NUCB2: variants seen among roughly 807,000 people sequenced by gnomAD.
NUCB2 encodes nucleobindin-2.
In NUCB2, 48 loss-of-function variants were observed where a neutral mutation model predicts 57.9. The ratio of observed to expected loss-of-function variants is 0.83; its 90% CI spans 0.66 to 1.05. The LOEUF (loss-of-function observed/expected upper bound fraction) is 1.05. NUCB2 is among the 50% of genes least tolerant of loss of function. The pLI, the probability that NUCB2 is intolerant of heterozygous loss-of-function variation, is 0.00. For synonymous variants in NUCB2, 139 were observed against 152.1 expected, an observed-to-expected ratio of 0.91 and a Z score of 0.64; for missense variants, 442 against 476.2, an observed-to-expected ratio of 0.93 and a Z score of 0.67.
At chr11:17,335,691 G>T (rs1018602974), downstream of NUCB2, among the ~76,000 whole-genome samples, 1 of 152,076 alleles carries the variant, frequency 6.6e-6, no homozygotes, top group Non-Finnish European at 1.5e-5. Flanking sequence ...TAGTAGAGGC[G>T]GGGTTTCACC....
chr11:17,331,130 T>G (rs970851101), intron 13 of NUCB2, 147 bp downstream of exon 13: 2 of 664,276 alleles, frequency 3.0e-6, no homozygotes, highest in African/African-American at 3.7e-5. Flanking sequence ...ATTTAGATTA[T>G]AGAAAAATGA....
intron 10 of NUCB2, 54 bp from the exon 11 acceptor site, chr11:17,315,332 A>G (rs566321045): frequency 1.0e-6 from 1 of 1,005,012 alleles, no homozygotes; most frequent in African/African-American, 1.6e-5. Context: ...GATAGTGTCT[A>G]AATAATATGA....
intron 6 of NUCB2, 51 bp from the exon 7 acceptor site, chr11:17,310,774 A>G: frequency 6.9e-7 from 1 of 1,449,460 alleles, no homozygotes; most frequent in Non-Finnish European, 9.4e-7. Context: ...CTTTATTTAC[A>G]TTTTTCAAGT....
At chr11:17,302,297 T>G (rs1338589806) in intron 5 of NUCB2, among the ~76,000 whole-genome samples, 1 of 152,228 alleles carries the variant, frequency 6.6e-6, no homozygotes, top group Non-Finnish European at 1.5e-5. Flanking sequence ...CTTCTCTTAA[T>G]TTTTAGAATT....
downstream of NUCB2, among the ~76,000 whole-genome samples, chr11:17,336,813 T>G (rs1238802540): frequency 6.6e-6 from 1 of 151,436 alleles, no homozygotes; most frequent in Non-Finnish European, 1.5e-5. Flanking sequence ...ATATGTTTTT[T>G]ATGCCAAGAT....
chr11:17,311,793 C>G, intron 8 of NUCB2, 79 bp from the exon 9 acceptor site: 1 of 969,566 alleles, frequency 1.0e-6, no homozygotes. Flanking sequence ...CTTTTGTAAA[C>G]CCTTTATAAA....
At chr11:17,319,353 T>C (rs763134261) in intron 11 of NUCB2, among the ~76,000 whole-genome samples, 1 of 152,214 alleles carries the variant, frequency 6.6e-6, no homozygotes, top group Non-Finnish European at 1.5e-5. Context: ...AATGATTCTT[T>C]GGGGACTTCC....
intron 2 of NUCB2, among the ~76,000 whole-genome samples, chr11:17,348,394 G>C (rs1400237333): frequency 1.6e-5 from 2 of 126,890 alleles, no homozygotes; most frequent in Admixed American, 2.1e-4. Flanking sequence ...GAGTGCAGTG[G>C]TGCAATCATG....
At chr11:17,311,377 A>G in intron 8 of NUCB2, 94 bp downstream of exon 8, 1 of 841,814 alleles carries the variant, frequency 1.2e-6, no homozygotes, top group Non-Finnish European at 1.9e-6. Flanking sequence ...TCTGCTATTG[A>G]GTTCTAGTGA....
intron 2 of NUCB2, among the ~76,000 whole-genome samples, chr11:17,291,560 A>AAAAAAAAAAAAAAAAAAAC (rs1944948046): frequency 6.7e-6 from 1 of 150,112 alleles, no homozygotes; most frequent in Non-Finnish European, 1.5e-5. Flanking sequence ...AAAAAAAAAA[A>AAAAAAAAAAAAAAAAAAAC]TCAGTCTTTT....
chr11:17,319,742 A>G (rs1949767526), intron 11 of NUCB2, among the ~76,000 whole-genome samples: 1 of 152,030 alleles, frequency 6.6e-6, no homozygotes, highest in Non-Finnish European at 1.5e-5. Flanking sequence ...TAATTTTTTG[A>G]AGTTCAGGGG....
intron 5 of NUCB2, among the ~76,000 whole-genome samples, chr11:17,302,681 C>T (rs942888094): frequency 6.6e-6 from 1 of 152,084 alleles, no homozygotes; most frequent in Admixed American, 6.5e-5. Flanking sequence ...AGGTAGTCCT[C>T]CCACCTCAGC....
chr11:17,281,508 C>T (rs951458149), intron 1 of NUCB2, among the ~76,000 whole-genome samples: 2 of 152,106 alleles, frequency 1.3e-5, no homozygotes, highest in Admixed American at 6.6e-5. Context: ...ACAAGAAGGG[C>T]ATTAATATTT....
At chr11:17,289,444 C>T (rs1944555830) in intron 2 of NUCB2, among the ~76,000 whole-genome samples, 1 of 152,190 alleles carries the variant, frequency 6.6e-6, no homozygotes, top group African/African-American at 2.4e-5. Flanking sequence ...GGCTGGCCTT[C>T]ATGAATCACA....
At chr11:17,329,835 T>C (rs963591703) in intron 11 of NUCB2, among the ~76,000 whole-genome samples, 2 of 152,230 alleles carry the variant, frequency 1.3e-5, no homozygotes, top group African/African-American at 2.4e-5. Context: ...TTGGGGGGAA[T>C]GACAAATTTT....
intron 11 of NUCB2, among the ~76,000 whole-genome samples, chr11:17,328,711 C>G (rs1951002997): frequency 6.6e-6 from 1 of 152,142 alleles, no homozygotes; most frequent in African/African-American, 2.4e-5. Flanking sequence ...GGGCTCCCCT[C>G]TGGCCCAAGG....
intron 1 of NUCB2, among the ~76,000 whole-genome samples, chr11:17,279,014 G>A (rs538427087): frequency 1.3e-5 from 2 of 152,266 alleles, no homozygotes; most frequent in South Asian, 4.2e-4. Flanking sequence ...CCAACATGGT[G>A]AAACCCCGTC....
At position 17,331,422 on chromosome 11, in the gene NUCB2, T is replaced by C; in HGVS notation, c.*3T>C. The C allele has an allele frequency of 6.9e-7, 1 of 1,441,106 alleles. No individual in the cohort carries two copies. Among genetic ancestry groups the C allele is most frequent in the Non-Finnish European group, 9.2e-7 (1 of 1,090,532 alleles). 89.3% of individuals were successfully genotyped at this position (1,441,106 alleles called of 1,614,324 possible). ...TCTTTTTTCCAACAGACATTTAAAG[T>C]CTGAAGTCCACCAGAACTTGGAAGA... is the stretch of plus-strand genomic sequence containing the variant. On this transcript the variant is annotated 3_prime_UTR_variant, in exon 14 of 14. Coordinates refer to ENST00000529010, the MANE Select transcript of NUCB2 (RefSeq NM_005013.4).
chr11:17,341,825 G>A (rs1426932609), intron 2 of NUCB2, among the ~76,000 whole-genome samples: 1 of 151,382 alleles, frequency 6.6e-6, no homozygotes, highest in South Asian at 2.1e-4. Context: ...ATGATGCTGG[G>A]CTCATAAAAT....
Sources: allele counts gnomAD v4.1 joint callset (sites outside exome capture counted in the v4.1 genomes callset), GRCh38; gene constraint gnomAD v4.1.1; transcripts MANE v1.5; gene names NCBI Gene and HGNC (gene_info 2026-07-23, HGNC 2026-07-21).